LRRC43: variants seen among roughly 807,000 people sequenced by gnomAD.
LRRC43 encodes the protein leucine rich repeat containing 43, also known as leucine-rich repeat-containing protein 43.
In LRRC43, 62 loss-of-function variants were observed where a neutral mutation model predicts 64.3. The observed-to-expected ratio is 0.96, with a 90% CI of 0.79 to 1.19. The LOEUF (loss-of-function observed/expected upper bound fraction) is 1.19, where lower values mean the gene tolerates loss of function less well. LRRC43 is among the 50% of genes most tolerant of loss of function. The probability of loss-of-function intolerance (pLI) is 0.00; values close to 1 mark genes in which losing one functional copy is unlikely to be tolerated. For synonymous variants in LRRC43, 422 were observed against 382.3 expected (o/e 1.10, Z -1.21); for missense variants, 868 against 845.0 (o/e 1.03, Z -0.34).
chr12:122,183,927 G>C (rs1443056240), intron 1 of LRRC43, among the ~76,000 whole-genome samples: 1 of 151,718 alleles, frequency 6.6e-6, no homozygotes, highest in African/African-American at 2.4e-5. Context: ...TTTTAGTAGA[G>C]ACAGGATTTC....
intron 7 of LRRC43, among the ~76,000 whole-genome samples, chr12:122,194,674 T>C (rs1337662443): frequency 6.6e-6 from 1 of 152,152 alleles, no homozygotes; most frequent in African/African-American, 2.4e-5. Flanking sequence ...TCTCTCGATG[T>C]TGACCAGGTT....
chr12:122,183,054 G>A, upstream of LRRC43: 2 of 1,464,876 alleles, frequency 1.4e-6, no homozygotes, highest in Admixed American at 2.5e-5. Context: ...CCGGATGGGG[G>A]ACTTTTCCCT....
chr12:122,187,916 T>G, intron 4 of LRRC43, 76 bp downstream of exon 4: 1 of 1,495,350 alleles, frequency 6.7e-7, no homozygotes, highest in Non-Finnish European at 9.2e-7. Flanking sequence ...CCCAGTGGCT[T>G]GAGAACTCAG....
upstream of LRRC43, among the ~76,000 whole-genome samples, chr12:122,181,895 C>T (rs576802707): frequency 7.9e-5 from 12 of 151,712 alleles, no homozygotes; most frequent in African/African-American, 2.9e-4. Flanking sequence ...GGTGAGCCAT[C>T]GCGCCCAGCC....
chr12:122,183,018 AGGTGGTTGG>A, upstream of LRRC43: 1 of 1,372,344 alleles, frequency 7.3e-7, no homozygotes, highest in Non-Finnish European at 9.5e-7. Flanking sequence ...GAGAAAACGC[AGGTGGTTGG>A]GGCCAGGCTG....
upstream of LRRC43, chr12:122,182,975 G>A: frequency 8.9e-7 from 1 of 1,125,822 alleles, no homozygotes; most frequent in South Asian, 1.7e-5. Flanking sequence ...AGAACCACCA[G>A]CTGTTATCCC....
intron 4 of LRRC43, among the ~76,000 whole-genome samples, chr12:122,188,832 T>A (rs1953678469): frequency 6.6e-6 from 1 of 152,168 alleles, no homozygotes; most frequent in Admixed American, 6.5e-5. Flanking sequence ...CTGGGCATGG[T>A]GGGATATTGA....
intron 7 of LRRC43, among the ~76,000 whole-genome samples, chr12:122,193,549 C>T (rs1398600633): frequency 4.6e-5 from 7 of 152,086 alleles, no homozygotes. Flanking sequence ...CCTGACCAGC[C>T]AAGATTTTCG....
chr12:122,198,143 G>A (rs1216705898), intron 7 of LRRC43, among the ~76,000 whole-genome samples: 1 of 151,946 alleles, frequency 6.6e-6, no homozygotes, highest in African/African-American at 2.4e-5. Flanking sequence ...ACCATGCCCG[G>A]CTAATTTTTG....
chr12:122,177,476 A>AGT (rs67103998), intron 1 of LRRC43, among the ~76,000 whole-genome samples: 5,885 of 143,498 alleles, frequency 0.041, 184 homozygotes, highest in South Asian at 0.083. Flanking sequence ...TGAGAGAGAA[A>AGT]GTGTGTGTGT....
chr12:122,185,676 A>G (rs1953635113), intron 2 of LRRC43, among the ~76,000 whole-genome samples: 1 of 152,172 alleles, frequency 6.6e-6, no homozygotes, highest in African/African-American at 2.4e-5. Context: ...AGGGACTTTC[A>G]GTTTCAGTGC....
chr12:122,184,601 AG>A lies in LRRC43; in HGVS notation c.235del (p.Glu79ArgfsTer20). 6.2e-7 allele frequency: 1 copy of A among 1,613,910 alleles called. No individual in the cohort carries two copies. The highest frequency in any genetic ancestry group is 1.1e-5 in the South Asian group (1 of 91,064). On this transcript the variant is annotated frameshift_variant, in exon 2 of 12. Coordinates refer to ENST00000339777, the MANE Select transcript of LRRC43 (RefSeq NM_001098519.2). LOFTEE classifies it high-confidence loss of function. This position sits in a 1 kb window ranked among gnomAD's most constrained non-coding sequence, Gnocchi z 4.0. Reference protein sequence around the residue: ...PREEDVVSPGEETVEALLGLV... With the variant: ...PREEDVVSPGXETVEALLGLV... ...GAGGAGGATGTGGTGAGCCCCGGAG[AG>A]GAGACGGTGGAGGCCCTGCTGGGCC...
At position 122,191,403 on chromosome 12, in the gene LRRC43, T is replaced by C. The variant is rs1294508091; in HGVS notation, c.925T>C (p.Phe309Leu). Reference protein sequence around the residue: ...NGDLLAQEAQFVVTIGNIRGV... With the variant: ...NGDLLAQEAQLVVTIGNIRGV... ...AGATCTCTTGGCACAGGAGGCGCAG[T>C]TTGTGGTGACCATCGGAAACATCAG... The change falls in exon 6 of 12, where the codon TTT becomes CTT. Residue 309 changes from phenylalanine (F) to leucine (L), a missense_variant. Phe to Leu is a conservative substitution (Grantham distance 22, BLOSUM62 0). Coordinates refer to ENST00000339777, the MANE Select transcript of LRRC43 (RefSeq NM_001098519.2). 7 of 1,612,610 alleles carry C rather than the reference T, an allele frequency of 4.3e-6. No individual in the cohort carries two copies. Among genetic ancestry groups the C allele is most frequent in the Non-Finnish European group, 5.9e-6 (7 of 1,179,492 alleles).
chr12:122,187,194 G>C (rs1953655062), intron 3 of LRRC43, among the ~76,000 whole-genome samples: 1 of 151,980 alleles, frequency 6.6e-6, no homozygotes, highest in Non-Finnish European at 1.5e-5. Context: ...TTGTGCCACT[G>C]CACTCCAGCC....
At chr12:122,193,555 T>G (rs1953745257) in intron 7 of LRRC43, among the ~76,000 whole-genome samples, 1 of 152,038 alleles carries the variant, frequency 6.6e-6, no homozygotes. Context: ...CAGCCAAGAT[T>G]TTCGGAATGA....
intron 5 of LRRC43, 133 bp from the exon 6 acceptor site, chr12:122,191,247 C>G: frequency 1.4e-6 from 1 of 708,926 alleles, no homozygotes. Context: ...TGACATGAAC[C>G]TGACCGCCCC....
chr12:122,202,282 C>T (rs1203482754), intron 11 of LRRC43: 3 of 151,814 alleles, frequency 2.0e-5, no homozygotes, highest in African/African-American at 7.3e-5. Flanking sequence ...CTGCAGTCAA[C>T]TGCTTGCAAT....
Position 122,197,671 on chromosome 12 carries a change from G to A in LRRC43, c.1350-2518G>A, listed in dbSNP as rs371834046. ...TGGAGGAAGGCAGGGATTGGCAAGA[G>A]ATAGGGCTGCAGAGAGACAGAGAAA... On this transcript the variant is annotated intron_variant, in intron 7 of 11. Coordinates refer to ENST00000339777, the MANE Select transcript of LRRC43 (RefSeq NM_001098519.2). 1.8e-3 allele frequency among the ~76,000 whole-genome samples: 271 copies of A among 152,228 alleles called. 2 individuals are homozygous for A. The highest frequency in any genetic ancestry group is 6.1e-3 in the African/African-American group (255 of 41,546).
chr12:122,184,722 G>C lies in LRRC43; in HGVS notation c.354G>C (p.Thr118=), dbSNP rs770398014. 20 of 1,613,466 alleles carry C rather than the reference G, an allele frequency of 1.2e-5. No individual in the cohort carries two copies. Among genetic ancestry groups the C allele is most frequent in the Non-Finnish European group, 1.5e-5 (18 of 1,179,696 alleles). ...LRELAIRNPL[T]ITDTFFYSYF... ...AATTGGCCATCCGGAACCCGCTGACGATCACAGACACCTTCTTCTACTCCT... is the reference window on the plus strand; with the variant it reads ...AATTGGCCATCCGGAACCCGCTGACCATCACAGACACCTTCTTCTACTCCT... Residue 118 remains threonine (T), a synonymous_variant, in exon 2 of 12, where the codon ACG becomes ACC. Transcript: ENST00000339777. The surrounding 1 kb of genome is among the most constrained non-coding windows in gnomAD (Gnocchi z 4.0).
Sources: gnomAD v4.1 joint callset for allele counts (sites outside exome capture counted in the v4.1 genomes callset) on GRCh38, gnomAD v4.1.1 for gene constraint, Gnocchi (gnomAD v3.1) non-coding constraint, MANE v1.5 for transcripts, NCBI Gene and HGNC (gene_info 2026-07-23, HGNC 2026-07-21) for gene names.